GPRIN3: variants seen among roughly 807,000 people sequenced by gnomAD.
The protein encoded by GPRIN3 is GPRIN family member 3.
Under a neutral mutation model 13.7 loss-of-function variants are expected in GPRIN3, and 12 were observed. The observed-to-expected ratio is 0.87, with a 90% CI of 0.56 to 1.42. The LOEUF (loss-of-function observed/expected upper bound fraction) is 1.42. Among genes scored for constraint, GPRIN3 ranks in the 40% most tolerant of loss-of-function variants. The pLI, the probability that GPRIN3 is intolerant of heterozygous loss-of-function variation, is 0.00. For missense variants in GPRIN3, 1,009 were observed against 958.7 expected, an observed-to-expected ratio of 1.05 and a Z score of -0.69; for synonymous variants, 377 against 372.7, an observed-to-expected ratio of 1.01 and a Z score of -0.13.
chr4:89,254,128 G>GGTGTGTGTGTGTGTGCGTGTGTGT (rs1723404850), intron 1 of GPRIN3, among the ~76,000 whole-genome samples: 1 of 147,646 alleles, frequency 6.8e-6, no homozygotes, highest in Non-Finnish European at 1.5e-5. Context: ...GTTGCATCTG[G>GGTGTGTGTGTGTGTGCGTGTGTGT]GTGTGTGTGT....
At position 89,247,435 on chromosome 4, in the gene GPRIN3, G is replaced by A. The variant is rs116109498; in HGVS notation, c.*345C>T. On this transcript the variant is annotated 3_prime_UTR_variant, in exon 2 of 2. Transcript: ENST00000609438. ...TGGAACTACTACTGTGTGATAAATT[G>A]AGGCAGTTATACAAAATAATACATG... 1 of 187,398 alleles carries A rather than the reference G, an allele frequency of 5.3e-6. No homozygotes were observed. The highest frequency in any genetic ancestry group is 1.1e-5 in the Non-Finnish European group (1 of 90,956). The allele number at this position is 187,398 out of a possible 1,614,324, so 11.6% of individuals were successfully genotyped here. A position where few individuals can be genotyped will look rare whatever the true frequency, so the allele number is the denominator to read the frequency against.
At chr4:89,284,331 T>C (rs931116316) in intron 1 of GPRIN3, among the ~76,000 whole-genome samples, 1 of 152,176 alleles carries the variant, frequency 6.6e-6, no homozygotes, top group African/African-American at 2.4e-5. Context: ...CTGGAAACAT[T>C]TCACTGTGTG....
At chr4:89,264,553 G>T (rs1343988748) in intron 1 of GPRIN3, among the ~76,000 whole-genome samples, 2 of 152,176 alleles carry the variant, frequency 1.3e-5, no homozygotes, top group African/African-American at 4.8e-5. Context: ...GAGAGTTCTA[G>T]GCAGAGGGTG....
Position 89,248,897 on chromosome 4 carries a change from T to A in GPRIN3, c.1214A>T (p.Gln405Leu). The A allele has an allele frequency of 6.2e-7, 1 of 1,614,184 alleles. No individual in the cohort carries two copies. The highest frequency in any genetic ancestry group is 8.5e-7 in the Non-Finnish European group (1 of 1,180,010). ...QAAAAESTAF[Q>L]RENKLASLPG... The stretch of plus-strand genomic sequence containing the variant: ...TAGGCTCGCAAGTTTATTTTCCCGT[T>A]GGAAAGCTGTAGACTCAGCTGCAGC... Residue 405 changes from glutamine to leucine, a missense_variant, in exon 2 of 2, where the codon CAA (glutamine) becomes CTA (leucine). By Grantham distance (113) the Gln-to-Leu change is moderately radical (BLOSUM62 -2). Coordinates refer to ENST00000609438, the MANE Select transcript of GPRIN3 (RefSeq NM_198281.3).
In GPRIN3 at chr4:89,247,694, G is replaced by T; in HGVS notation, c.*86C>A. 7.4e-7 allele frequency: 1 copy of T among 1,360,188 alleles called. No individual in the cohort carries two copies. Among genetic ancestry groups the T allele is most frequent in the Non-Finnish European group, 1.0e-6 (1 of 994,642 alleles). The allele number at this position is 1,360,188 out of a possible 1,614,324, so 84.3% of individuals were successfully genotyped here. Reference sequence around the variant, plus strand: ...ATACTTGCTTTTTCTTCCTAGTCTTGCAGCAAAAAACTAAGCAAGCTTTGA... The same window carrying T: ...ATACTTGCTTTTTCTTCCTAGTCTTTCAGCAAAAAACTAAGCAAGCTTTGA... On this transcript the variant is annotated 3_prime_UTR_variant, in exon 2 of 2. Transcript: ENST00000609438.
intron 1 of GPRIN3, among the ~76,000 whole-genome samples, chr4:89,293,741 T>C (rs10004253): frequency 0.057 from 8,630 of 152,270 alleles, 869 homozygotes; most frequent in African/African-American, 0.2. Flanking sequence ...TAACCTATGA[T>C]GACTTTAGCT....
In GPRIN3 at chr4:89,248,895, G is replaced by T. The variant is rs35246727; in HGVS notation, c.1216C>A (p.Arg406=). The T allele has an allele frequency of 4.3e-6, 7 of 1,614,138 alleles. No individual in the cohort carries two copies. Among genetic ancestry groups the T allele is most frequent in the Middle Eastern group, 1.6e-4 (1 of 6,062 alleles). Reference sequence around the variant, plus strand: ...GGTAGGCTCGCAAGTTTATTTTCCCGTTGGAAAGCTGTAGACTCAGCTGCA... The same window carrying T: ...GGTAGGCTCGCAAGTTTATTTTCCCTTTGGAAAGCTGTAGACTCAGCTGCA... ...AAAAESTAFQ[R]ENKLASLPGG... is the part of the protein sequence containing the mutation. Residue 406 remains arginine, a synonymous_variant, in exon 2 of 2, where the codon CGG becomes AGG. Transcript: ENST00000609438.
chr4:89,239,965 A>G lies in GPRIN3; in HGVS notation c.*7815T>C, dbSNP rs1035030685. The G allele has an allele frequency of 2.6e-4, 39 of 152,248 alleles. No individual in the cohort carries two copies. Among genetic ancestry groups the G allele is most frequent in the African/African-American group, 9.4e-4 (39 of 41,542 alleles). The allele number at this position is 152,248 out of a possible 1,614,324, so 9.4% of individuals were successfully genotyped here. A position where few individuals can be genotyped will look rare whatever the true frequency, so the allele number is the denominator to read the frequency against. On this transcript the variant is annotated 3_prime_UTR_variant, in exon 2 of 2. Transcript: ENST00000609438. Reference sequence around the variant, plus strand: ...GTGTGAGCCACCACGCCCAGCCTCCATGCATATTTTCAATCTGATACCCAA... The same window carrying G: ...GTGTGAGCCACCACGCCCAGCCTCCGTGCATATTTTCAATCTGATACCCAA...
chr4:89,267,437 G>C lies in GPRIN3; in HGVS notation c.-123-17204C>G, dbSNP rs377665905. 2.0e-3 allele frequency among the ~76,000 whole-genome samples: 302 copies of C among 152,262 alleles called. 12 individuals carry two copies. The South Asian group carries it at 0.056, about 28-fold the overall frequency. On this transcript the variant is annotated intron_variant, in intron 1 of 1. Transcript: ENST00000609438. ...ACTAGATATCTGAGAAGAAATCTGG[G>C]ATTAGACCTGCCTCGGTGAGGTACC... is the stretch of plus-strand genomic sequence containing the variant.
At chr4:89,298,101 T>C (rs376010332) in intron 1 of GPRIN3, among the ~76,000 whole-genome samples, 1 of 152,174 alleles carries the variant, frequency 6.6e-6, no homozygotes. Flanking sequence ...AAAATGGAAA[T>C]GAAGTTACAC....
At chr4:89,277,211 C>T (rs1372647932) in intron 1 of GPRIN3, among the ~76,000 whole-genome samples, 4 of 152,040 alleles carry the variant, frequency 2.6e-5, no homozygotes. Flanking sequence ...AAGTTTAGAT[C>T]CAGGCCCAAA....
Position 89,246,176 on chromosome 4 carries a change from T to C in GPRIN3, c.*1604A>G, listed in dbSNP as rs1158389593. The C allele has an allele frequency of 6.6e-6, 1 of 152,248 alleles. No individual in the cohort carries two copies. Among genetic ancestry groups the C allele is most frequent in the Non-Finnish European group, 1.5e-5 (1 of 68,052 alleles). 9.4% of individuals were successfully genotyped at this position (152,248 alleles called of 1,614,324 possible). A position where few individuals can be genotyped will look rare whatever the true frequency, so the allele number is the denominator to read the frequency against. On this transcript the variant is annotated 3_prime_UTR_variant, in exon 2 of 2. Coordinates refer to ENST00000609438, the MANE Select transcript of GPRIN3 (RefSeq NM_198281.3). Reference sequence around the variant, plus strand: ...GCCAGAACAGATACTGTGAATTGACTGTACCCACGGGACACATGAGTCTCT... The same window carrying C: ...GCCAGAACAGATACTGTGAATTGACCGTACCCACGGGACACATGAGTCTCT...
intron 1 of GPRIN3, among the ~76,000 whole-genome samples, chr4:89,300,237 A>G (rs1197500539): frequency 1.3e-5 from 2 of 152,102 alleles, no homozygotes; most frequent in African/African-American, 4.8e-5. Flanking sequence ...TACTTAGGGA[A>G]CACCTAAGTA....
At chr4:89,292,168 C>T (rs1561226941) in intron 1 of GPRIN3, among the ~76,000 whole-genome samples, 1 of 152,148 alleles carries the variant, frequency 6.6e-6, no homozygotes, top group Non-Finnish European at 1.5e-5. Context: ...ATAATTAATA[C>T]ATCCAAAGGC....
chr4:89,283,751 A>G (rs1036849731), intron 1 of GPRIN3, among the ~76,000 whole-genome samples: 1 of 152,170 alleles, frequency 6.6e-6, no homozygotes, highest in African/African-American at 2.4e-5. Context: ...AGGGCATTTC[A>G]GGTGCATATG....
rs998040923 is a variant in GPRIN3, at chr4:89,239,073, T to A, written c.*8707A>T. On this transcript the variant is annotated 3_prime_UTR_variant, in exon 2 of 2. Transcript: ENST00000609438. ...TTCTTCTTTTTTCTAGGAAATGAAGTTTTATTGGTCAATATCTGGAGGATG... is the reference window on the plus strand; with the variant it reads ...TTCTTCTTTTTTCTAGGAAATGAAGATTTATTGGTCAATATCTGGAGGATG... 1 of 152,176 alleles carries A rather than the reference T, an allele frequency of 6.6e-6. No individual in the cohort carries two copies. The highest frequency in any genetic ancestry group is 1.5e-5 in the Non-Finnish European group (1 of 68,014). The allele number at this position is 152,176 out of a possible 1,614,324, so 9.4% of individuals were successfully genotyped here.
intron 1 of GPRIN3, among the ~76,000 whole-genome samples, chr4:89,291,612 A>AT (rs1724573679): frequency 6.6e-6 from 1 of 152,088 alleles, no homozygotes; most frequent in Non-Finnish European, 1.5e-5. Flanking sequence ...ATTTTTGGAG[A>AT]TTATGAATAA....
chr4:89,275,569 G>T (rs1236557258), intron 1 of GPRIN3, among the ~76,000 whole-genome samples: 1 of 152,212 alleles, frequency 6.6e-6, no homozygotes, highest in African/African-American at 2.4e-5. Context: ...AGTCGGGTAA[G>T]ATCTGCTCTG....
At chr4:89,301,513 T>G (rs993098872) in intron 1 of GPRIN3, among the ~76,000 whole-genome samples, 3 of 152,194 alleles carry the variant, frequency 2.0e-5, no homozygotes, top group African/African-American at 4.8e-5. Context: ...CACAAACACT[T>G]CACTCCCTCA....
Sources: allele counts gnomAD v4.1 joint callset (sites outside exome capture counted in the v4.1 genomes callset), GRCh38; gene constraint gnomAD v4.1.1; transcripts MANE v1.5; gene names NCBI Gene and HGNC (gene_info 2026-07-23, HGNC 2026-07-21).